The following PLA2G4A variants were observed in gnomAD, a reference collection of about 807,000 sequenced individuals.
PLA2G4A encodes phospholipase A2 group IVA.
Under a neutral mutation model 81.9 loss-of-function variants are expected in PLA2G4A, and 40 were observed. The observed-to-expected ratio is 0.49, with a 90% CI of 0.38 to 0.64. The LOEUF (loss-of-function observed/expected upper bound fraction) is 0.64. PLA2G4A is among the 30% of genes least tolerant of loss of function. PLA2G4A has a pLI of 0.00. For synonymous variants in PLA2G4A, 302 were observed against 296.9 expected (o/e 1.02, Z -0.18); for missense variants, 715 against 905.1 (o/e 0.79, Z 2.69).
In PLA2G4A at chr1:186,979,582, C is replaced by T; in HGVS notation, c.2118+110C>T. The stretch of plus-strand genomic sequence containing the variant: ...AAAAAATAAGTGTTATGAATGACAC[C>T]ACCCAAAATATGCCACTTTACTTTT... On this transcript the variant is annotated intron_variant, in intron 17 of 17. Transcript: ENST00000367466. 3 of 761,732 alleles carry T rather than the reference C, an allele frequency of 3.9e-6. No homozygotes were observed. In the South Asian group the frequency reaches 4.6e-5, roughly 12 times the overall value. 47.2% of individuals were successfully genotyped at this position (761,732 alleles called of 1,614,324 possible).
chr1:186,903,099 T>C (rs1262136246), intron 5 of PLA2G4A, among the ~76,000 whole-genome samples: 2 of 152,092 alleles, frequency 1.3e-5, no homozygotes, highest in African/African-American at 4.8e-5. Context: ...CTAAGTAAAA[T>C]TGACCCTTTA....
intron 7 of PLA2G4A, among the ~76,000 whole-genome samples, chr1:186,922,045 C>A (rs1215098653): frequency 6.6e-6 from 1 of 152,152 alleles, no homozygotes; most frequent in Admixed American, 6.5e-5. Flanking sequence ...GTTATAGTGA[C>A]TCCATAGTCT....
rs944826369 is a variant in PLA2G4A, at chr1:186,907,122, GTTTAC to G, written c.416+124_416+128del. 3.8e-5 allele frequency: 24 copies of G among 637,156 alleles called. No individual in the cohort carries two copies. The Admixed American group carries it at 4.7e-4, about 13-fold the overall frequency. 39.5% of individuals were successfully genotyped at this position (637,156 alleles called of 1,614,324 possible). On this transcript the variant is annotated intron_variant, in intron 6 of 17. Coordinates refer to ENST00000367466, the MANE Select transcript of PLA2G4A (RefSeq NM_024420.3). Reference sequence around the variant, plus strand: ...CTGTGAACATATAGAAGTGCATTATGTTTACTTTGCTTTTCTTTAGTTGTCTGTTA... The same window carrying G: ...CTGTGAACATATAGAAGTGCATTATGTTTGCTTTTCTTTAGTTGTCTGTTA...
intron 1 of PLA2G4A, among the ~76,000 whole-genome samples, chr1:186,852,076 A>G (rs1456958853): frequency 6.6e-6 from 1 of 151,976 alleles, no homozygotes; most frequent in East Asian, 1.9e-4. Flanking sequence ...CTGTATATAT[A>G]TATCCTATCA....
intron 1 of PLA2G4A, among the ~76,000 whole-genome samples, chr1:186,845,138 A>G (rs764265277): frequency 6.6e-6 from 1 of 152,106 alleles, no homozygotes; most frequent in African/African-American, 2.4e-5. Flanking sequence ...TGAACCCAGG[A>G]GGCGGAGGTT....
At chr1:186,895,017 C>A (rs1271189429) in intron 5 of PLA2G4A, among the ~76,000 whole-genome samples, 1 of 152,148 alleles carries the variant, frequency 6.6e-6, no homozygotes, top group Non-Finnish European at 1.5e-5. Flanking sequence ...TTCACCTCAA[C>A]CTACCTCTCC....
intron 14 of PLA2G4A, among the ~76,000 whole-genome samples, chr1:186,960,059 A>G (rs955468418): frequency 1.3e-5 from 2 of 152,160 alleles, no homozygotes; most frequent in Non-Finnish European, 2.9e-5. Flanking sequence ...TTTTGTGCCT[A>G]CTACTTAATC....
chr1:186,917,109 G>GT (rs1284650971), intron 7 of PLA2G4A, among the ~76,000 whole-genome samples: 2 of 151,970 alleles, frequency 1.3e-5, no homozygotes, highest in African/African-American at 2.4e-5. Flanking sequence ...ACAGCTGTGG[G>GT]GGTGTTCAGG....
chr1:186,891,288 T>C (rs181916634), intron 3 of PLA2G4A, among the ~76,000 whole-genome samples: 24 of 152,320 alleles, frequency 1.6e-4, no homozygotes, highest in Admixed American at 1.4e-3. Flanking sequence ...GAAGCATTTA[T>C]GATTTGTTGC....
At chr1:186,977,888 C>A in intron 16 of PLA2G4A, 100 bp downstream of exon 16, 1 of 822,510 alleles carries the variant, frequency 1.2e-6, no homozygotes, top group South Asian at 1.4e-5. Context: ...CCAGCTATTA[C>A]ACTATTGAAT....
chr1:186,899,203 G>C (rs573553119), intron 5 of PLA2G4A, among the ~76,000 whole-genome samples: 1 of 152,284 alleles, frequency 6.6e-6, no homozygotes, highest in South Asian at 2.1e-4. Context: ...AGGTATCTTT[G>C]AGGATATCTG....
chr1:186,837,967 G>A (rs1651849520), intron 1 of PLA2G4A, among the ~76,000 whole-genome samples: 1 of 152,038 alleles, frequency 6.6e-6, no homozygotes, highest in Non-Finnish European at 1.5e-5. Flanking sequence ...ACGCAGATTT[G>A]ATGGTGGGAA....
At chr1:186,842,930 T>A (rs1372635381) in intron 1 of PLA2G4A, among the ~76,000 whole-genome samples, 1 of 152,246 alleles carries the variant, frequency 6.6e-6, no homozygotes, top group Non-Finnish European at 1.5e-5. Context: ...TATTGTATAA[T>A]TTCTCAGAAA....
chr1:186,957,854 A>G (rs931645422), intron 14 of PLA2G4A, among the ~76,000 whole-genome samples: 1 of 152,210 alleles, frequency 6.6e-6, no homozygotes, highest in Non-Finnish European at 1.5e-5. Context: ...TTAAATTTTT[A>G]TATTTCACCA....
intron 15 of PLA2G4A, among the ~76,000 whole-genome samples, chr1:186,975,048 A>C (rs928445986): frequency 2.0e-5 from 3 of 152,232 alleles, no homozygotes; most frequent in African/African-American, 7.2e-5. Context: ...CATGTTTGTA[A>C]ACACTAGAAA....
intron 1 of PLA2G4A, among the ~76,000 whole-genome samples, chr1:186,830,936 AGCTTGCTTGCTT>A (rs148614012): frequency 0.011 from 1,373 of 126,984 alleles, 14 homozygotes; most frequent in South Asian, 0.036. Flanking sequence ...CAGATTGTAT[AGCTTGCTTGCTT>A]GCTTGCTTGC....
intron 12 of PLA2G4A, 93 bp from the exon 13 acceptor site, chr1:186,950,564 T>A: frequency 1.4e-6 from 1 of 708,378 alleles, no homozygotes; most frequent in Non-Finnish European, 2.6e-6. Flanking sequence ...TAGATCTCAC[T>A]CTGTGGTTTT....
At chr1:186,961,881 C>T (rs908625172) in intron 14 of PLA2G4A, among the ~76,000 whole-genome samples, 1 of 152,162 alleles carries the variant, frequency 6.6e-6, no homozygotes, top group African/African-American at 2.4e-5. Flanking sequence ...TAGTTACCCA[C>T]AGTCACCTGC....
At chr1:186,927,387 T>C (rs2102192188) in intron 7 of PLA2G4A, among the ~76,000 whole-genome samples, 1 of 152,320 alleles carries the variant, frequency 6.6e-6, no homozygotes, top group East Asian at 1.9e-4. Flanking sequence ...AGAAGCCACT[T>C]TTTAAACTTT....
Sources: gnomAD v4.1 joint callset for allele counts (sites outside exome capture counted in the v4.1 genomes callset) on GRCh38, gnomAD v4.1.1 for gene constraint, MANE v1.5 for transcripts, NCBI Gene and HGNC (gene_info 2026-07-23, HGNC 2026-07-21) for gene names.